HIP1R: variants seen among roughly 807,000 people sequenced by gnomAD.
HIP1R encodes the protein huntingtin-interacting protein 1-related protein.
Under a neutral mutation model 144.2 loss-of-function variants are expected in HIP1R, and 135 were observed. The ratio of observed to expected loss-of-function variants is 0.94; its 90% CI spans 0.81 to 1.08. The LOEUF (loss-of-function observed/expected upper bound fraction) is 1.08, where lower values mean the gene tolerates loss of function less well. HIP1R is among the 50% of genes least tolerant of loss of function. HIP1R has a pLI of 0.00. For synonymous variants in HIP1R, 698 were observed against 612.8 expected, an observed-to-expected ratio of 1.14 and a Z score of -2.05; for missense variants, 1,462 against 1,432.8, an observed-to-expected ratio of 1.02 and a Z score of -0.33.
At chr12:122,852,544 C>T (rs1374031262) in intron 7 of HIP1R, among the ~76,000 whole-genome samples, 2 of 152,148 alleles carry the variant, frequency 1.3e-5, no homozygotes, top group East Asian at 1.9e-4. Flanking sequence ...CACCTGGTGA[C>T]GCTGGTGTGT....
In HIP1R at chr12:122,861,048, C is replaced by T. The variant is rs1189891981; in HGVS notation, c.2890+9C>T. The T allele has an allele frequency of 1.9e-6, 3 of 1,613,624 alleles. No individual in the cohort carries two copies. Among genetic ancestry groups the T allele is most frequent in the South Asian group, 2.2e-5 (2 of 91,084 alleles). ...GCAGATTGAGGACAGAGGTGAGTGC[C>T]AGATGCCAACGGGGGCTGCTGGCTC... On this transcript the variant is annotated intron_variant, in intron 29 of 31. Transcript: ENST00000253083.
rs1328498863 is a variant in HIP1R, at chr12:122,862,923, T to G, written c.*1170T>G. The G allele has an allele frequency of 6.6e-6, 1 of 152,188 alleles. No homozygotes were observed. Among genetic ancestry groups the G allele is most frequent in the Non-Finnish European group, 1.5e-5 (1 of 68,030 alleles). The allele number at this position is 152,188 out of a possible 1,614,324, so 9.4% of individuals were successfully genotyped here. On this transcript the variant is annotated 3_prime_UTR_variant, in exon 32 of 32. Coordinates refer to ENST00000253083, the MANE Select transcript of HIP1R (RefSeq NM_003959.3). ...GTGTTAGCATTTCCTCCTGAAGTGT[T>G]CTGTTGGCAATAAAATGCACTTTGA...
At position 122,859,111 on chromosome 12, in the gene HIP1R, G is replaced by C. The variant is rs2033685302; in HGVS notation, c.2209G>C (p.Gly737Arg). Residue 737 changes from glycine (G) to arginine (R), a missense_variant, in exon 22 of 32, where the codon GGG becomes CGG. Coordinates refer to ENST00000253083, the MANE Select transcript of HIP1R (RefSeq NM_003959.3). The part of the protein sequence containing the change: ...ECGARALELM[G>R]QLQDQQALRH... ...CGGGGCCCGGGCTCTGGAGCTCATG[G>C]GGCAGCTGCAGGACCAGCAGGCTCT... 6.3e-7 allele frequency: 1 copy of C among 1,598,942 alleles called. No individual in the cohort carries two copies. Among genetic ancestry groups the C allele is most frequent in the Non-Finnish European group, 8.5e-7 (1 of 1,173,588 alleles).
intron 8 of HIP1R, among the ~76,000 whole-genome samples, chr12:122,854,384 T>A: frequency 1.3e-5 from 2 of 148,482 alleles, no homozygotes; most frequent in Non-Finnish European, 1.5e-5. Context: ...AGCAAAAAAC[T>A]TAGTGAGTGG....
At chr12:122,839,394 CGGG>C (rs2032994670) in intron 1 of HIP1R, among the ~76,000 whole-genome samples, 1 of 152,162 alleles carries the variant, frequency 6.6e-6, no homozygotes, top group Non-Finnish European at 1.5e-5. Flanking sequence ...CCAAGTCTGG[CGGG>C]TGAGCATTAA....
At chr12:122,859,878 G>C (rs752267914) in intron 24 of HIP1R, 48 bp downstream of exon 24, 2 of 1,578,832 alleles carry the variant, frequency 1.3e-6, no homozygotes, top group South Asian at 1.1e-5. Context: ...TGGGCTCCCC[G>C]TGGCCCCTAA....
In HIP1R at chr12:122,855,092, C is replaced by T. The variant is rs763121106; in HGVS notation, c.816C>T (p.Tyr272=). The part of the protein sequence containing the change: ...NFFRRASDML[Y]FKRLIQIPRL... The stretch of plus-strand genomic sequence containing the variant: ...TCCGCAGAGCCTCCGACATGCTGTA[C>T]TTCAAGCGGCTCATCCAGATCCCCC... Residue 272 remains tyrosine (Y), a synonymous_variant, in exon 10 of 32, where the codon TAC becomes TAT. Transcript: ENST00000253083. The T allele has an allele frequency of 1.9e-6, 3 of 1,613,856 alleles. No homozygotes were observed. Among genetic ancestry groups the T allele is most frequent in the Non-Finnish European group, 2.5e-6 (3 of 1,180,020 alleles).
intron 7 of HIP1R, 128 bp from the exon 8 acceptor site, chr12:122,853,915 G>C: frequency 8.9e-7 from 1 of 1,128,114 alleles, no homozygotes; most frequent in South Asian, 1.6e-5. Flanking sequence ...TGAGGCTCCC[G>C]TCTTGGAGGC....
chr12:122,834,853 C>A (rs2032824899), upstream of HIP1R: 5 of 834,042 alleles, frequency 6.0e-6, no homozygotes, highest in South Asian at 5.7e-5. Flanking sequence ...GTCAGAATTG[C>A]ACAAAGAGGG....
chr12:122,859,614 G>A, intron 23 of HIP1R, 78 bp downstream of exon 23: 1 of 1,360,530 alleles, frequency 7.4e-7, no homozygotes, highest in Admixed American at 2.0e-5. Context: ...CTGGGTACAG[G>A]CTGCACCCAC....
intron 1 of HIP1R, among the ~76,000 whole-genome samples, chr12:122,845,709 C>T (rs1045023356): frequency 4.6e-5 from 7 of 152,256 alleles, no homozygotes; most frequent in Admixed American, 3.9e-4. Flanking sequence ...TGAGGGTGCC[C>T]GGCCCTCAGA....
chr12:122,859,380 C>CG (rs3215147), intron 22 of HIP1R, 46 bp from the exon 23 acceptor site: 90,710 of 1,501,668 alleles, frequency 0.06, 2,677 homozygotes, highest in East Asian at 0.21. Flanking sequence ...GCCCGTGGGA[C>CG]GGGGGGGGAC....
rs1048436174 is a variant in HIP1R, at chr12:122,854,053, G to C, written c.588G>C (p.Gln196His). Residue 196 changes from glutamine (Q) to histidine (H), a missense_variant, in exon 8 of 32, where the codon CAG becomes CAC. This residue lies in a region of HIP1R where 350 missense variants were observed against 421.1 expected (regional missense o/e 0.83). Coordinates refer to ENST00000253083, the MANE Select transcript of HIP1R (RefSeq NM_003959.3). ...ELKLSESVFR[Q>H]LNTAIAVSQM... The stretch of plus-strand genomic sequence containing the variant: ...GCCCCTTTTGCACAGTTTTCCGACA[G>C]CTCAACACGGCCATCGCCGTATCCC... 2 of 1,613,630 alleles carry C rather than the reference G, an allele frequency of 1.2e-6. No homozygotes were observed. The highest frequency in any genetic ancestry group is 1.7e-5 in the Admixed American group (1 of 59,972).
rs376804189 is a variant in HIP1R, at chr12:122,848,700, G to A, written c.300+92G>A. On this transcript the variant is annotated intron_variant, in intron 3 of 31. Transcript: ENST00000253083. Reference sequence around the variant, plus strand: ...GCCCTGTTCCTGTCCCCGTAGCTCCGGGCTGTTCCTCCCGCCTCGGGTGGG... The same window carrying A: ...GCCCTGTTCCTGTCCCCGTAGCTCCAGGCTGTTCCTCCCGCCTCGGGTGGG... The A allele has an allele frequency of 1.4e-4, 226 of 1,596,816 alleles. No homozygotes were observed. In the African/African-American group the frequency reaches 1.7e-3, roughly 12 times the overall value.
At chr12:122,859,361 T>C (rs1319003250) in intron 22 of HIP1R, 65 bp from the exon 23 acceptor site, 22 of 1,510,334 alleles carry the variant, frequency 1.5e-5, no homozygotes, top group Non-Finnish European at 2.0e-5. Context: ...CCAACCTCTT[T>C]CCCAGGCTGC....
intron 1 of HIP1R, among the ~76,000 whole-genome samples, chr12:122,838,608 T>C (rs2032972830): frequency 6.6e-6 from 1 of 152,040 alleles, no homozygotes; most frequent in Non-Finnish European, 1.5e-5. Flanking sequence ...TGTTGTAAGG[T>C]GTAAGAGAGA....
chr12:122,848,383 C>T lies in HIP1R; in HGVS notation c.158-83C>T, dbSNP rs1227261628. On this transcript the variant is annotated intron_variant, in intron 2 of 31. Coordinates refer to ENST00000253083, the MANE Select transcript of HIP1R (RefSeq NM_003959.3). ...ACGTGATTGGGGGCCGGCCCTCTTC[C>T]GGCGGCCCTGGCCTCTCTCAGCCGG... The T allele has an allele frequency of 3.7e-5, 56 of 1,507,744 alleles. 1 individual carries two copies. In the East Asian group the frequency reaches 6.4e-4, roughly 17 times the overall value. 93.4% of individuals were successfully genotyped at this position (1,507,744 alleles called of 1,614,324 possible).
Position 122,860,460 on chromosome 12 carries a change from C to T in HIP1R, c.2597C>T (p.Ser866Leu), listed in dbSNP as rs962749776. ...CAGCAGGAATTTTACGCCAAGAACT[C>T]GCGCTGGACCGAAGGCCTCATCTCG... The part of the protein sequence containing the change: ...ATQQEFYAKN[S>L]RWTEGLISAS... Residue 866 changes from serine (S) to leucine (L), a missense_variant, in exon 27 of 32, where the codon TCG (serine) becomes TTG (leucine). Transcript: ENST00000253083. The T allele has an allele frequency of 5.6e-6, 9 of 1,613,282 alleles. No homozygotes were observed. The highest frequency in any genetic ancestry group is 4.5e-5 in the East Asian group (2 of 44,898).
Position 122,855,687 on chromosome 12 carries a change from T to A in HIP1R, c.1055+75T>A, listed in dbSNP as rs577800995. 4.0e-4 allele frequency: 612 copies of A among 1,529,808 alleles called. 2 individuals carry two copies. The highest frequency in any genetic ancestry group is 5.2e-4 in the Middle Eastern group (3 of 5,722). 94.8% of individuals were successfully genotyped at this position (1,529,808 alleles called of 1,614,324 possible). ...AGCTGAGCTGTGCTCTGGACAGTTCTGTCTGGAAAGGCCATAGGTGGGGAA... is the reference window on the plus strand; with the variant it reads ...AGCTGAGCTGTGCTCTGGACAGTTCAGTCTGGAAAGGCCATAGGTGGGGAA... On this transcript the variant is annotated intron_variant, in intron 12 of 31. Coordinates refer to ENST00000253083, the MANE Select transcript of HIP1R (RefSeq NM_003959.3).
Sources: gnomAD v4.1 joint callset for allele counts (sites outside exome capture counted in the v4.1 genomes callset) on GRCh38, gnomAD v4.1.1 for gene constraint, gnomAD v4.1.1 regional missense constraint, MANE v1.5 for transcripts, NCBI Gene and HGNC (gene_info 2026-07-23, HGNC 2026-07-21) for gene names.